DOCK4: variants seen among roughly 807,000 people sequenced by gnomAD.
DOCK4 encodes dedicator of cytokinesis protein 4.
A neutral mutation model predicts 268.1 loss-of-function variants in DOCK4; 97 were observed. The observed-to-expected ratio is 0.36, with a 90% CI of 0.31 to 0.43. DOCK4 has a LOEUF of 0.43. Ranked by LOEUF, DOCK4 falls within the 20% of genes least tolerant of loss-of-function variation. DOCK4 has a pLI of 1.00. For synonymous variants in DOCK4, 954 were observed against 887.2 expected, an observed-to-expected ratio of 1.08 and a Z score of -1.34; for missense variants, 2,145 against 2,455.7, an observed-to-expected ratio of 0.87 and a Z score of 2.67.
At chr7:112,158,004 A>C (rs781514230) in intron 1 of DOCK4, among the ~76,000 whole-genome samples, 2 of 152,236 alleles carry the variant, frequency 1.3e-5, no homozygotes, top group Non-Finnish European at 2.9e-5. Flanking sequence ...TAGAAACTAA[A>C]TATACACTGA....
chr7:112,146,358 G>A (rs145612716), intron 1 of DOCK4, among the ~76,000 whole-genome samples: 1 of 152,258 alleles, frequency 6.6e-6, no homozygotes, highest in East Asian at 1.9e-4. Flanking sequence ...CCTCCTTCCT[G>A]GTCACTGTGA....
chr7:112,120,472 T>C (rs987358340), intron 1 of DOCK4, among the ~76,000 whole-genome samples: 1 of 152,164 alleles, frequency 6.6e-6, no homozygotes, highest in African/African-American at 2.4e-5. Context: ...TTTTTTTGTG[T>C]TTATATCCTC....
At chr7:111,868,494 T>G (rs1806158563) in intron 21 of DOCK4, among the ~76,000 whole-genome samples, 1 of 152,164 alleles carries the variant, frequency 6.6e-6, no homozygotes, top group Non-Finnish European at 1.5e-5. Flanking sequence ...GTGGATCACC[T>G]GAAGTCAGGA....
At chr7:111,883,250 C>T (rs1447556783) in intron 16 of DOCK4, among the ~76,000 whole-genome samples, 1 of 152,160 alleles carries the variant, frequency 6.6e-6, no homozygotes, top group Non-Finnish European at 1.5e-5. Flanking sequence ...CAATCTCATC[C>T]CTGGCAAGTC....
At chr7:111,872,666 C>T in intron 17 of DOCK4, 102 bp from the exon 18 acceptor site, 1 of 925,502 alleles carries the variant, frequency 1.1e-6, no homozygotes, top group South Asian at 1.8e-5. Flanking sequence ...CATGTGGCTC[C>T]CCTCTCCTAG....
chr7:111,852,111 C>A (rs940408797), intron 23 of DOCK4, among the ~76,000 whole-genome samples: 2 of 151,968 alleles, frequency 1.3e-5, no homozygotes, highest in East Asian at 1.9e-4. Context: ...TACAGGCATT[C>A]GCCGCCATGC....
At chr7:111,767,279 C>T (rs7778290) in intron 37 of DOCK4, among the ~76,000 whole-genome samples, 161 bp from the exon 38 acceptor site, 11,104 of 147,852 alleles carry the variant, frequency 0.075, 1,374 homozygotes, top group African/African-American at 0.26. Context: ...CAGGCTGGAG[C>T]GCAGTGGCCT....
chr7:111,869,755 T>C (rs1806262636), intron 20 of DOCK4, 100 bp from the exon 21 acceptor site: 1 of 931,702 alleles, frequency 1.1e-6, no homozygotes, highest in South Asian at 1.4e-5. Context: ...GAGGTTTCTT[T>C]TCCCATCAGT....
intron 12 of DOCK4, among the ~76,000 whole-genome samples, chr7:111,918,954 G>A (rs766438661): frequency 3.3e-4 from 50 of 152,124 alleles, no homozygotes; most frequent in Non-Finnish European, 6.2e-4. Context: ...ACATCATGTG[G>A]TATACATAAA....
At chr7:111,807,159 A>T (rs911171296) in intron 30 of DOCK4, among the ~76,000 whole-genome samples, 3 of 152,202 alleles carry the variant, frequency 2.0e-5, no homozygotes, top group Non-Finnish European at 2.9e-5. Context: ...AACCGAACAG[A>T]ATCTGTCCTG....
chr7:112,096,160 G>A (rs1810112366), intron 1 of DOCK4, among the ~76,000 whole-genome samples: 1 of 150,840 alleles, frequency 6.6e-6, no homozygotes, highest in African/African-American at 2.4e-5. Context: ...AAATTTGTGT[G>A]TGTGTGTGAT....
At position 111,868,186 on chromosome 7, in the gene DOCK4, A is replaced by G. The variant is rs1481616781; in HGVS notation, c.2110-32T>C. 3.3e-6 allele frequency: 5 copies of G among 1,493,166 alleles called. No homozygotes were observed. The Admixed American group carries it at 8.7e-5, about 26-fold the overall frequency. 92.5% of individuals were successfully genotyped at this position (1,493,166 alleles called of 1,614,324 possible). On this transcript the variant is annotated intron_variant, in intron 21 of 52. Transcript: ENST00000428084. ...AATACAATTTTTAAAAGTTAGCTTCAAAGGAGACAAAGAGTATTTATTTAG... is the reference window on the plus strand; with the variant it reads ...AATACAATTTTTAAAAGTTAGCTTCGAAGGAGACAAAGAGTATTTATTTAG...
intron 20 of DOCK4, among the ~76,000 whole-genome samples, chr7:111,870,585 G>A (rs1262893548): frequency 1.3e-5 from 2 of 152,140 alleles, no homozygotes; most frequent in African/African-American, 4.8e-5. Context: ...GCCTCCCAAA[G>A]TGCTGGGATT....
chr7:111,962,947 C>T (rs999786678), intron 8 of DOCK4, among the ~76,000 whole-genome samples: 1 of 152,162 alleles, frequency 6.6e-6, no homozygotes, highest in African/African-American at 2.4e-5. Context: ...TAAAGGCCCA[C>T]GCCAGCAGCT....
intron 1 of DOCK4, among the ~76,000 whole-genome samples, chr7:112,093,449 G>A (rs546989360): frequency 1.3e-5 from 2 of 149,156 alleles, no homozygotes; most frequent in East Asian, 1.9e-4. Context: ...ACATTTAAAG[G>A]GGGGGGGAAA....
intron 38 of DOCK4, among the ~76,000 whole-genome samples, chr7:111,765,893 C>T (rs753936370): frequency 2.0e-5 from 3 of 152,176 alleles, no homozygotes; most frequent in South Asian, 4.1e-4. Flanking sequence ...CAGAGAAAGA[C>T]TAATATTACA....
At chr7:112,050,751 A>T (rs1445386631) in intron 1 of DOCK4, among the ~76,000 whole-genome samples, 4 of 152,142 alleles carry the variant, frequency 2.6e-5, no homozygotes, top group African/African-American at 9.7e-5. Context: ...TTATATTAGG[A>T]GAATTGCTCA....
chr7:112,168,577 T>TGCCTGGGGTCCCAGCC (rs1380848109), intron 1 of DOCK4, among the ~76,000 whole-genome samples: 1 of 152,166 alleles, frequency 6.6e-6, no homozygotes, highest in Non-Finnish European at 1.5e-5. Context: ...TGGTGGCGCA[T>TGCCTGGGGTCCCAGCC]GCCTGGGGTC....
rs977523730 is a variant in DOCK4, at chr7:111,787,646, A to G, written c.3401+1016T>C. On this transcript the variant is annotated intron_variant, in intron 32 of 52. Transcript: ENST00000428084. ...GTCACTAATTATATTCTTCAAGCCT[A>G]TATATTAATGTTTCTACTGTTGTAA... is the stretch of plus-strand genomic sequence containing the variant. Among the ~76,000 whole-genome samples the G allele has an allele frequency of 5.3e-5, 8 of 152,182 alleles. No individual in the cohort carries two copies. In the South Asian group the frequency reaches 6.2e-4, roughly 12 times the overall value.
Sources: gnomAD v4.1 joint callset for allele counts (sites outside exome capture counted in the v4.1 genomes callset) on GRCh38, gnomAD v4.1.1 for gene constraint, MANE v1.5 for transcripts, NCBI Gene and HGNC (gene_info 2026-07-23, HGNC 2026-07-21) for gene names.